ZC3H12C: variants seen among roughly 807,000 people sequenced by gnomAD.
The protein encoded by ZC3H12C is probable ribonuclease ZC3H12C.
Under a neutral mutation model 76.3 loss-of-function variants are expected in ZC3H12C, and 20 were observed. The ratio of observed to expected loss-of-function variants is 0.26; its 90% CI spans 0.18 to 0.38. The LOEUF (loss-of-function observed/expected upper bound fraction) is 0.38. ZC3H12C is among the 10% of genes least tolerant of loss of function. ZC3H12C has a pLI of 1.00. For synonymous variants in ZC3H12C, 352 were observed against 399.6 expected, an observed-to-expected ratio of 0.88 and a Z score of 1.42; for missense variants, 874 against 1,086.5, an observed-to-expected ratio of 0.80 and a Z score of 2.75.
Position 110,127,305 on chromosome 11 carries a change from C to T in ZC3H12C, c.22-9358C>T, listed in dbSNP as rs548046043. Among the ~76,000 whole-genome samples, 12 of 152,312 alleles carry T rather than the reference C, an allele frequency of 7.9e-5. No individual in the cohort carries two copies. In the South Asian group the frequency reaches 2.1e-3, roughly 26 times the overall value. On this transcript the variant is annotated intron_variant, in intron 1 of 5. Transcript: ENST00000278590. ...TTTGTGGTTTAAAGTTAGTCTTTAACACTTTTCAAATAGCACTCAGAAGAG... is the reference window on the plus strand; with the variant it reads ...TTTGTGGTTTAAAGTTAGTCTTTAATACTTTTCAAATAGCACTCAGAAGAG...
At chr11:110,153,584 C>CT (rs1862317303) in intron 3 of ZC3H12C, among the ~76,000 whole-genome samples, 3 of 151,560 alleles carry the variant, frequency 2.0e-5, no homozygotes, top group South Asian at 2.1e-4. Flanking sequence ...TGTGGAAACT[C>CT]TGACTTCAAA....
In ZC3H12C at chr11:110,166,058, A is replaced by T. The variant is rs565458733; in HGVS notation, c.*321A>T. Reference sequence around the variant, plus strand: ...TTTGGTGCATCAGGGGTTTATATGCAGCACTTTTTATCCTTGTTTTGTGTT... The same window carrying T: ...TTTGGTGCATCAGGGGTTTATATGCTGCACTTTTTATCCTTGTTTTGTGTT... On this transcript the variant is annotated 3_prime_UTR_variant, in exon 6 of 6. Transcript: ENST00000278590. 4.5e-4 allele frequency: 107 copies of T among 239,114 alleles called. No homozygotes were observed. The Middle Eastern group carries it at 8.9e-3, about 20-fold the overall frequency. 14.8% of individuals were successfully genotyped at this position (239,114 alleles called of 1,614,324 possible).
At chr11:110,093,532 G>T in intron 1 of ZC3H12C, 100 bp downstream of exon 1, 2 of 902,740 alleles carry the variant, frequency 2.2e-6, no homozygotes, top group Non-Finnish European at 2.8e-6. Flanking sequence ...CCGGGCGCCA[G>T]GCGGAGGGCG....
intron 4 of ZC3H12C, among the ~76,000 whole-genome samples, chr11:110,163,064 C>T (rs986356840): frequency 1.3e-5 from 2 of 152,204 alleles, no homozygotes; most frequent in East Asian, 1.9e-4. Context: ...AAAACAAATA[C>T]AATTTCAGCT....
intron 1 of ZC3H12C, among the ~76,000 whole-genome samples, chr11:110,130,321 T>C (rs1009586084): frequency 6.6e-6 from 1 of 152,218 alleles, no homozygotes; most frequent in Non-Finnish European, 1.5e-5. Context: ...TTTTTAAAAA[T>C]CAGTTCTATT....
chr11:110,095,910 T>G (rs1454891602), intron 1 of ZC3H12C, among the ~76,000 whole-genome samples: 1 of 151,920 alleles, frequency 6.6e-6, no homozygotes. Flanking sequence ...ATTAAGTAAA[T>G]AAGATGGTCA....
chr11:110,123,987 A>G (rs1280284910), intron 1 of ZC3H12C: 2 of 152,312 alleles, frequency 1.3e-5, no homozygotes, highest in Non-Finnish European at 2.9e-5. Flanking sequence ...AAAGCACCCA[A>G]GTGTTTTCTG....
intron 1 of ZC3H12C, chr11:110,136,014 T>G (rs2134175842): frequency 6.6e-6 from 1 of 152,350 alleles, no homozygotes; most frequent in South Asian, 2.1e-4. Flanking sequence ...GTTCATCTCT[T>G]AAGAAGAATT....
At position 110,117,959 on chromosome 11, in the gene ZC3H12C, ATATATACACACACATATATAT is replaced by A. The variant is rs1240075568; in HGVS notation, c.22-18697_22-18677del. Reference sequence around the variant, plus strand: ...ATATATATATTATATATACACACACATATATACACACACATATATATTATATATATACACACATATATATTA... The same window carrying A: ...ATATATATATTATATATACACACACATATATATATACACACATATATATTA... On this transcript the variant is annotated intron_variant, in intron 1 of 5. Coordinates refer to ENST00000278590, the MANE Select transcript of ZC3H12C (RefSeq NM_033390.2). 1.2e-4 allele frequency among the ~76,000 whole-genome samples: 7 copies of A among 60,726 alleles called. 1 individual carries two copies. Among genetic ancestry groups the A allele is most frequent in the African/African-American group, 6.0e-4 (4 of 6,682 alleles). The allele number at this position is 60,726 out of a possible 152,430, so 39.8% of individuals were successfully genotyped here. A position where few individuals can be genotyped will look rare whatever the true frequency, so the allele number is the denominator to read the frequency against.
rs373317662 is a variant in ZC3H12C at position 110,134,352 on chromosome 11, A to T, written c.22-2311A>T. On this transcript the variant is annotated intron_variant, in intron 1 of 5. Coordinates refer to ENST00000278590, the MANE Select transcript of ZC3H12C (RefSeq NM_033390.2). Reference sequence around the variant, plus strand: ...GTGCTAGCATTCATGATGGCATGTTAAAGGCGTGCAGCTTAGCAACCAGCT... The same window carrying T: ...GTGCTAGCATTCATGATGGCATGTTTAAGGCGTGCAGCTTAGCAACCAGCT... Among the ~76,000 whole-genome samples the T allele has an allele frequency of 3.3e-5, 5 of 152,228 alleles. No homozygotes were observed. The East Asian group carries it at 7.7e-4, about 24-fold the overall frequency.
rs917862038 is a variant in ZC3H12C at position 110,164,001 on chromosome 11, G to A, written c.1256-340G>A. On this transcript the variant is annotated intron_variant, in intron 5 of 5. Transcript: ENST00000278590. The surrounding 1 kb of genome is among the most constrained non-coding windows in gnomAD (Gnocchi z 5.7). ...TGTGATCCCAGCTACTCAGATGGCCGAGGCATAAGAATTGCTTGAACCCGA... is the reference window on the plus strand; with the variant it reads ...TGTGATCCCAGCTACTCAGATGGCCAAGGCATAAGAATTGCTTGAACCCGA... Among the ~76,000 whole-genome samples the A allele has an allele frequency of 6.6e-6, 1 of 151,924 alleles. No homozygotes were observed. The highest frequency in any genetic ancestry group is 1.5e-5 in the Non-Finnish European group (1 of 67,996).
chr11:110,158,085 T>A (rs1197859032), intron 3 of ZC3H12C, among the ~76,000 whole-genome samples: 2 of 152,032 alleles, frequency 1.3e-5, no homozygotes, highest in Non-Finnish European at 1.5e-5. Flanking sequence ...GGTGGGAAAA[T>A]GGGGGACAGA....
chr11:110,115,298 CATTTATTT>C (rs961748768), intron 1 of ZC3H12C, among the ~76,000 whole-genome samples: 7 of 151,188 alleles, frequency 4.6e-5, no homozygotes, highest in Admixed American at 2.6e-4. Context: ...TTTATTTTTT[CATTTATTT>C]ATTTATTTAT....
intron 4 of ZC3H12C, among the ~76,000 whole-genome samples, chr11:110,160,313 A>G (rs1379515063): frequency 6.6e-6 from 1 of 152,170 alleles, no homozygotes; most frequent in African/African-American, 2.4e-5. Context: ...GCTATGCCAA[A>G]TTTATCAAAA....
intron 1 of ZC3H12C, among the ~76,000 whole-genome samples, chr11:110,125,034 A>G (rs1398307239): frequency 1.3e-5 from 2 of 152,138 alleles, no homozygotes; most frequent in African/African-American, 4.8e-5. Flanking sequence ...GTATTAAATG[A>G]ATGAAACAAT....
chr11:110,164,944 G>A lies in ZC3H12C; in HGVS notation c.1859G>A (p.Ser620Asn), dbSNP rs1178092592. The A allele has an allele frequency of 1.2e-6, 2 of 1,614,058 alleles. No homozygotes were observed. Among genetic ancestry groups the A allele is most frequent in the South Asian group, 2.2e-5 (2 of 91,090 alleles). The change falls in exon 6 of 6, where the codon AGT becomes AAT. Residue 620 changes from serine (S) to asparagine (N), a missense_variant. Transcript: ENST00000278590. The surrounding 1 kb of genome is among the most constrained non-coding windows in gnomAD (Gnocchi z 5.7). ...RFSLDTDYRI[S>N]SVASDCSSEG... The stretch of plus-strand genomic sequence containing the variant: ...TCCTTAGACACAGATTATAGAATAA[G>A]TTCCGTAGCTTCTGACTGCAGCAGT...
intron 3 of ZC3H12C, among the ~76,000 whole-genome samples, chr11:110,156,466 A>G (rs962376024): frequency 2.6e-5 from 4 of 152,222 alleles, no homozygotes; most frequent in African/African-American, 9.6e-5. Context: ...TATTTATGTC[A>G]TCCTAATTAA....
In ZC3H12C at chr11:110,166,500, TG is replaced by T. The variant is rs1237795836; in HGVS notation, c.*764del. The T allele has an allele frequency of 1.3e-5, 2 of 152,172 alleles. No homozygotes were observed. The highest frequency in any genetic ancestry group is 2.9e-5 in the Non-Finnish European group (2 of 68,020). The allele number at this position is 152,172 out of a possible 1,614,324, so 9.4% of individuals were successfully genotyped here. A position where few individuals can be genotyped will look rare whatever the true frequency, so the allele number is the denominator to read the frequency against. ...GAAAAATGTTTCCATTTTTTAAAAA[TG>T]AATAAGGCAAAAGCTGTAACTGTTA... On this transcript the variant is annotated 3_prime_UTR_variant, in exon 6 of 6. Coordinates refer to ENST00000278590, the MANE Select transcript of ZC3H12C (RefSeq NM_033390.2).
chr11:110,126,155 AC>A (rs921042953), intron 1 of ZC3H12C, among the ~76,000 whole-genome samples: 28 of 152,258 alleles, frequency 1.8e-4, no homozygotes, highest in African/African-American at 5.3e-4. Context: ...TTACAAAAAA[AC>A]ATGAGTTCTG....
Sources: allele counts gnomAD v4.1 joint callset (sites outside exome capture counted in the v4.1 genomes callset), GRCh38; gene constraint gnomAD v4.1.1; non-coding constraint Gnocchi (gnomAD v3.1); transcripts MANE v1.5; gene names NCBI Gene and HGNC (gene_info 2026-07-23, HGNC 2026-07-21).